PARP11: variants seen among roughly 807,000 people sequenced by gnomAD.
The protein encoded by PARP11 is poly(ADP-ribose) polymerase family member 11.
A neutral mutation model predicts 42.9 loss-of-function variants in PARP11; 31 were observed. The observed-to-expected ratio is 0.72, with a 90% CI of 0.54 to 0.98. The LOEUF (loss-of-function observed/expected upper bound fraction) is 0.98, where lower values mean the gene tolerates loss of function less well. Ranked by LOEUF, PARP11 falls within the 50% of genes least tolerant of loss-of-function variation. The pLI is 0.00. For missense variants in PARP11, 365 were observed against 413.1 expected (o/e 0.88, Z 1.01); for synonymous variants, 137 against 127.3 (o/e 1.08, Z -0.51).
At chr12:3,814,726 T>C (rs1230801374) in intron 6 of PARP11, among the ~76,000 whole-genome samples, 4 of 152,206 alleles carry the variant, frequency 2.6e-5, no homozygotes, top group African/African-American at 9.7e-5. Flanking sequence ...GCATATTTAA[T>C]GTAGGACTGA....
intron 1 of PARP11, among the ~76,000 whole-genome samples, chr12:3,833,395 G>C (rs1263510885): frequency 6.6e-6 from 1 of 152,104 alleles, no homozygotes; most frequent in East Asian, 1.9e-4. Context: ...GAGGCCAGGA[G>C]TTTGAGGCAA....
At chr12:3,845,066 A>G (rs1027155239) in intron 1 of PARP11, among the ~76,000 whole-genome samples, 2 of 152,210 alleles carry the variant, frequency 1.3e-5, no homozygotes, top group African/African-American at 4.8e-5. Context: ...ATGATCATAC[A>G]TATTTTGAAG....
chr12:3,867,114 G>A (rs1158270736), intron 1 of PARP11, among the ~76,000 whole-genome samples: 1 of 152,100 alleles, frequency 6.6e-6, no homozygotes, highest in African/African-American at 2.4e-5. Context: ...GACATAAGTT[G>A]AAAAAGGTGC....
At chr12:3,836,324 G>T (rs1050678045) in intron 1 of PARP11, among the ~76,000 whole-genome samples, 4 of 147,518 alleles carry the variant, frequency 2.7e-5, no homozygotes, top group African/African-American at 1.0e-4. Flanking sequence ...AATACATAAA[G>T]TAAAAAACAA....
At position 3,814,094 on chromosome 12, in the gene PARP11, A is replaced by G. The variant is rs1213700923; in HGVS notation, c.643T>C (p.Cys215Arg). Residue 215 changes from cysteine (C) to arginine (R), a missense_variant, in exon 7 of 8, where the codon TGC becomes CGC. Coordinates refer to ENST00000228820, the MANE Select transcript of PARP11 (RefSeq NM_020367.6). Reference sequence around the variant, plus strand: ...ATTCTCCAATCAAAGTTATGAATGCAGATTGCTTCCACAAATTCACTGCTG... The same window carrying G: ...ATTCTCCAATCAAAGTTATGAATGCGGATTGCTTCCACAAATTCACTGCTG... ...GTSSEFVEAICIHNFDWRING... is the reference protein window; with the variant it reads ...GTSSEFVEAIRIHNFDWRING... 3 of 1,609,316 alleles carry G rather than the reference A, an allele frequency of 1.9e-6. No individual in the cohort carries two copies. Among genetic ancestry groups the G allele is most frequent in the Non-Finnish European group, 1.7e-6 (2 of 1,177,010 alleles).
chr12:3,823,085 T>C (rs1305473135), intron 4 of PARP11, among the ~76,000 whole-genome samples: 11 of 152,204 alleles, frequency 7.2e-5, no homozygotes, highest in Non-Finnish European at 1.5e-4. Flanking sequence ...AGGCTGAACA[T>C]GACACACCAA....
intron 1 of PARP11, among the ~76,000 whole-genome samples, chr12:3,856,999 A>G (rs1299329170): frequency 6.6e-6 from 1 of 152,082 alleles, no homozygotes; most frequent in African/African-American, 2.4e-5. Context: ...GAAGCTGGAA[A>G]CCATCATTCT....
At chr12:3,859,941 T>C (rs1006923300) in intron 1 of PARP11, among the ~76,000 whole-genome samples, 1 of 152,200 alleles carries the variant, frequency 6.6e-6, no homozygotes, top group African/African-American at 2.4e-5. Context: ...GTGATGAAAT[T>C]GGATATTTGG....
Position 3,822,161 on chromosome 12 carries a change from G to GA in PARP11, c.345-5dup. On this transcript the variant is annotated splice_region_variant and splice_polypyrimidine_tract_variant and intron_variant, in intron 4 of 7. Transcript: ENST00000228820. ...GGCCTCGTTTTCACAGATGTAACTT[G>GA]AAACAGCAAAAGAGAAAACAAAATA... 2 of 1,611,038 alleles carry GA rather than the reference G, an allele frequency of 1.2e-6. No homozygotes were observed. Among genetic ancestry groups the GA allele is most frequent in the African/African-American group, 1.3e-5 (1 of 74,932 alleles).
intron 1 of PARP11, among the ~76,000 whole-genome samples, chr12:3,851,006 G>A (rs182916265): frequency 2.3e-3 from 348 of 152,312 alleles, no homozygotes; most frequent in African/African-American, 7.8e-3. Context: ...GCATCACAGA[G>A]AATCCATGCC....
chr12:3,825,855 T>C lies in PARP11; in HGVS notation c.344+303A>G, dbSNP rs377427205. Among the ~76,000 whole-genome samples the C allele has an allele frequency of 7.9e-5, 12 of 152,080 alleles. No individual in the cohort carries two copies. The East Asian group carries it at 1.2e-3, about 15-fold the overall frequency. On this transcript the variant is annotated intron_variant, in intron 4 of 7. Transcript: ENST00000228820. Reference sequence around the variant, plus strand: ...CATTCTCCTGACTCAGCCTCCCGAGTAGCTGGGACCACAGGCACCTGCCAC... The same window carrying C: ...CATTCTCCTGACTCAGCCTCCCGAGCAGCTGGGACCACAGGCACCTGCCAC...
rs1238508814 is a variant in PARP11 at position 3,861,096 on chromosome 12, G to A, written c.18+12116C>T. On this transcript the variant is annotated intron_variant, in intron 1 of 7. Transcript: ENST00000228820. This position sits in a 1 kb window ranked among gnomAD's most constrained non-coding sequence, Gnocchi z 4.6. ...CATCTGATTTAGATAATATTTAGAT[G>A]AGATGTTGGACTTTAAAGTTGATGC... 1.3e-5 allele frequency among the ~76,000 whole-genome samples: 2 copies of A among 152,206 alleles called. No homozygotes were observed. The highest frequency in any genetic ancestry group is 3.8e-4 in the East Asian group (2 of 5,200).
At chr12:3,824,649 GCT>G in intron 4 of PARP11, 1 of 983,620 alleles carries the variant, frequency 1.0e-6, no homozygotes, top group Non-Finnish European at 1.2e-6. Flanking sequence ...CTCTCCTTGT[GCT>G]GTCTTTGTTC....
At chr12:3,842,183 T>A in intron 1 of PARP11, 1 of 1,610,192 alleles carries the variant, frequency 6.2e-7, no homozygotes, top group East Asian at 2.2e-5. Context: ...CTGCTGCTGA[T>A]GTGGTCAGCC....
chr12:3,826,207 C>T lies in PARP11; in HGVS notation c.295G>A (p.Gly99Arg). 5 of 1,597,536 alleles carry T rather than the reference C, an allele frequency of 3.1e-6. No individual in the cohort carries two copies. Among genetic ancestry groups the T allele is most frequent in the Non-Finnish European group, 4.3e-6 (5 of 1,174,944 alleles). The change falls in exon 4 of 8, where the codon GGA becomes AGA. Residue 99 changes from glycine to arginine, a missense_variant. Coordinates refer to ENST00000228820, the MANE Select transcript of PARP11 (RefSeq NM_020367.6). ...AEMKQMNLTT[G>R]KQRLIKRAPF... ...GCTCTTTTTATTAAGCGCTGCTTTC[C>T]AGTGGTGAGATTCATTTGCTTCATT...
intron 1 of PARP11, among the ~76,000 whole-genome samples, chr12:3,837,606 C>A (rs7955234): frequency 6.6e-6 from 1 of 151,766 alleles, no homozygotes; most frequent in African/African-American, 2.4e-5. Flanking sequence ...TAAATAATAA[C>A]CCTGAATGCA....
intron 3 of PARP11, among the ~76,000 whole-genome samples, chr12:3,828,142 A>C (rs1363655107): frequency 6.6e-6 from 1 of 152,226 alleles, no homozygotes; most frequent in Non-Finnish European, 1.5e-5. Context: ...CCATTAAAGA[A>C]ATTGTTTTCT....
rs528867432 is a variant in PARP11, at chr12:3,840,226, C to G, written c.19-10208G>C. The stretch of plus-strand genomic sequence containing the variant: ...TTTGAATGCAGACGTTCAAGGAGTT[C>G]ATTCTGAGAATGGACCAGTTTTGGT... On this transcript the variant is annotated intron_variant, in intron 1 of 7. Coordinates refer to ENST00000228820, the MANE Select transcript of PARP11 (RefSeq NM_020367.6). This position sits in a 1 kb window ranked among gnomAD's most constrained non-coding sequence, Gnocchi z 4.4. The G allele has an allele frequency of 1.8e-4, 287 of 1,611,716 alleles. 1 individual carries two copies. In the African/African-American group the frequency reaches 3.2e-3, roughly 18 times the overall value.
intron 1 of PARP11, among the ~76,000 whole-genome samples, chr12:3,836,634 T>G (rs548863201): frequency 6.6e-6 from 1 of 152,274 alleles, no homozygotes; most frequent in African/African-American, 2.4e-5. Context: ...GAACTGCCAG[T>G]TCCAAGATGG....
Sources: gnomAD v4.1 joint callset for allele counts (sites outside exome capture counted in the v4.1 genomes callset) on GRCh38, gnomAD v4.1.1 for gene constraint, Gnocchi (gnomAD v3.1) non-coding constraint, MANE v1.5 for transcripts, NCBI Gene and HGNC (gene_info 2026-07-23, HGNC 2026-07-21) for gene names.